DGCR2: variants seen among roughly 807,000 people sequenced by gnomAD.
The protein encoded by DGCR2 is integral membrane protein DGCR2/IDD.
In DGCR2, 24 loss-of-function variants were observed where a neutral mutation model predicts 51.6. The observed-to-expected ratio is 0.47, with a 90% CI of 0.34 to 0.65. The LOEUF is 0.65. Ranked by LOEUF, DGCR2 falls within the 30% of genes least tolerant of loss-of-function variation. The pLI, the probability that DGCR2 is intolerant of heterozygous loss-of-function variation, is 0.01. For synonymous variants in DGCR2, 340 were observed against 315.4 expected (o/e 1.08, Z -0.82); for missense variants, 765 against 772.1 (o/e 0.99, Z 0.11).
At chr22:19,064,821 C>T in intron 4 of DGCR2, 27 bp downstream of exon 4, 6 of 1,603,136 alleles carry the variant, frequency 3.7e-6, no homozygotes, top group Non-Finnish European at 5.1e-6. Context: ...TGACTCCAGC[C>T]CCTCAGGTCC....
intron 5 of DGCR2, among the ~76,000 whole-genome samples, chr22:19,059,292 C>T (rs916263067): frequency 2.0e-5 from 3 of 152,042 alleles, no homozygotes; most frequent in African/African-American, 4.8e-5. Flanking sequence ...AATCGGGTGA[C>T]GGATGATTGG....
At chr22:19,046,879 T>C in intron 7 of DGCR2, 1 of 265,410 alleles carries the variant, frequency 3.8e-6, no homozygotes, top group Non-Finnish European at 8.3e-6. Flanking sequence ...CACAAATGGG[T>C]CATCCTTGTA....
At chr22:19,101,537 T>G (rs977660623) in intron 1 of DGCR2, among the ~76,000 whole-genome samples, 2 of 150,850 alleles carry the variant, frequency 1.3e-5, no homozygotes, top group Non-Finnish European at 1.5e-5. Flanking sequence ...GGTCAAGAGT[T>G]CAAGACCACC....
rs1177579356 is a variant in DGCR2 at position 19,036,425 on chromosome 22, CA to C, written c.*2439del. ...CAGGCATCAAGACAATGTACAGTAT[CA>C]AATCCCACCTCCGCATGGCAGGTCA... On this transcript the variant is annotated 3_prime_UTR_variant, in exon 10 of 10. Coordinates refer to ENST00000263196, the MANE Select transcript of DGCR2 (RefSeq NM_005137.3). 2 of 152,598 alleles carry C rather than the reference CA, an allele frequency of 1.3e-5. No homozygotes were observed. Among genetic ancestry groups the C allele is most frequent in the Middle Eastern group, 3.4e-3 (1 of 294 alleles). The allele number at this position is 152,598 out of a possible 1,614,324, so 9.5% of individuals were successfully genotyped here. A position where few individuals can be genotyped will look rare whatever the true frequency, so the allele number is the denominator to read the frequency against.
At chr22:19,041,715 CCT>C (rs2082433440) in intron 8 of DGCR2, 90 bp downstream of exon 8, 1 of 1,436,968 alleles carries the variant, frequency 7.0e-7, no homozygotes, top group Admixed American at 2.1e-5. Flanking sequence ...TGCCTCTGCC[CCT>C]CTCTGTCCAG....
chr22:19,111,273 A>G (rs539936647), intron 1 of DGCR2, among the ~76,000 whole-genome samples: 17 of 152,328 alleles, frequency 1.1e-4, no homozygotes, highest in Non-Finnish European at 2.5e-4. Flanking sequence ...ATCAGTGTCC[A>G]CACAAGATGC....
chr22:19,117,137 G>A (rs888314705), intron 1 of DGCR2, among the ~76,000 whole-genome samples: 1 of 152,062 alleles, frequency 6.6e-6, no homozygotes, highest in Admixed American at 6.6e-5. Flanking sequence ...ATTACCTGCC[G>A]TCACTGCTAG....
intron 7 of DGCR2, chr22:19,046,263 A>T (rs1011747320): frequency 3.3e-5 from 5 of 151,824 alleles, no homozygotes; most frequent in Admixed American, 1.3e-4. Flanking sequence ...TGGGTATTTC[A>T]TTTTTTTTGG....
intron 1 of DGCR2, among the ~76,000 whole-genome samples, chr22:19,102,932 G>A (rs951847974): frequency 6.6e-6 from 1 of 152,142 alleles, no homozygotes; most frequent in African/African-American, 2.4e-5. Flanking sequence ...CTTGAGCCCA[G>A]GAGGTCAGGG....
intron 1 of DGCR2, among the ~76,000 whole-genome samples, chr22:19,095,913 G>A (rs1238966978): frequency 1.3e-5 from 2 of 152,072 alleles, no homozygotes; most frequent in African/African-American, 4.8e-5. Context: ...TGCTTCTCTG[G>A]AAAAGACAGC....
chr22:19,111,179 T>A (rs1436227934), intron 1 of DGCR2, among the ~76,000 whole-genome samples: 1 of 152,200 alleles, frequency 6.6e-6, no homozygotes, highest in African/African-American at 2.4e-5. Flanking sequence ...GTAGATTTGA[T>A]TGCAATCACT....
At chr22:19,118,340 C>T (rs75486586) in intron 1 of DGCR2, among the ~76,000 whole-genome samples, 1 of 143,322 alleles carries the variant, frequency 7.0e-6, no homozygotes, top group East Asian at 2.0e-4. Context: ...AACTGCACTC[C>T]AGCCTGGGTG....
intron 5 of DGCR2, among the ~76,000 whole-genome samples, chr22:19,062,822 T>G (rs964144809): frequency 3.9e-5 from 5 of 128,810 alleles, no homozygotes; most frequent in Admixed American, 1.6e-4. Flanking sequence ...GCCTGATAGT[T>G]TCCTTCAGGT....
intron 9 of DGCR2, among the ~76,000 whole-genome samples, chr22:19,040,477 G>A (rs1300792274): frequency 6.6e-6 from 1 of 151,962 alleles, no homozygotes; most frequent in Non-Finnish European, 1.5e-5. Flanking sequence ...CTGCTCAACA[G>A]AGACAGAGAC....
chr22:19,061,472 G>A (rs1432128700), intron 5 of DGCR2: 2 of 152,180 alleles, frequency 1.3e-5, no homozygotes, highest in African/African-American at 4.8e-5. Context: ...CAGTCCTATT[G>A]CTGCACCTAA....
chr22:19,064,748 C>A, intron 4 of DGCR2, 100 bp downstream of exon 4: 7 of 1,187,496 alleles, frequency 5.9e-6, no homozygotes, highest in Non-Finnish European at 8.5e-6. Flanking sequence ...CTGCTGTCTG[C>A]CAGCTGTGCT....
rs1399259693 is a variant in DGCR2 at position 19,122,393 on chromosome 22, A to G, written c.-187T>C. 7.1e-6 allele frequency: 3 copies of G among 422,990 alleles called. No individual in the cohort carries two copies. The East Asian group carries it at 1.2e-4, about 17-fold the overall frequency. The allele number at this position is 422,990 out of a possible 1,614,324, so 26.2% of individuals were successfully genotyped here. A position where few individuals can be genotyped will look rare whatever the true frequency, so the allele number is the denominator to read the frequency against. ...CTCTCGGCTGCAACCTCAGGCACCG[A>G]CTCCAGCTGCGCGCAAGATGGCGGC... On this transcript the variant is annotated 5_prime_UTR_variant, in exon 1 of 10. Coordinates refer to ENST00000263196, the MANE Select transcript of DGCR2 (RefSeq NM_005137.3).
chr22:19,044,137 C>G (rs1404585567), intron 7 of DGCR2, among the ~76,000 whole-genome samples: 1 of 152,202 alleles, frequency 6.6e-6, no homozygotes, highest in Non-Finnish European at 1.5e-5. Flanking sequence ...CGGTCAAGGT[C>G]CCAACTGTCC....
rs754828858 is a variant in DGCR2, at chr22:19,056,966, G to A, written c.802+20C>T. ...AAGGGCCCAGACATTCCCCAAGAAC[G>A]CCAGCTCAAGGGGGCTTACTTCTTT... On this transcript the variant is annotated intron_variant, in intron 6 of 9. Coordinates refer to ENST00000263196, the MANE Select transcript of DGCR2 (RefSeq NM_005137.3). 29 of 1,553,358 alleles carry A rather than the reference G, an allele frequency of 1.9e-5. No individual in the cohort carries two copies. The highest frequency in any genetic ancestry group is 2.4e-5 in the Non-Finnish European group (28 of 1,147,578).
Sources: gnomAD v4.1 joint callset for allele counts (sites outside exome capture counted in the v4.1 genomes callset) on GRCh38, gnomAD v4.1.1 for gene constraint, MANE v1.5 for transcripts, NCBI Gene and HGNC (gene_info 2026-07-23, HGNC 2026-07-21) for gene names.